Variants in RBFOX2 observed in about 807,000 individuals in gnomAD.
RBFOX2 encodes RNA binding protein fox-1 homolog 2.
RBFOX2 carries 10 observed loss-of-function variants against 49.1 expected under a neutral mutation model. The ratio of observed to expected loss-of-function variants is 0.20; its 90% confidence interval spans 0.13 to 0.35. The LOEUF (loss-of-function observed/expected upper bound fraction) is 0.35, where lower values mean the gene tolerates loss of function less well. Ranked by LOEUF, RBFOX2 falls within the 10% of genes least tolerant of loss-of-function variation. The probability of loss-of-function intolerance (pLI) is 1.00; values close to 1 mark genes in which losing one functional copy is unlikely to be tolerated. For missense variants in RBFOX2, 323 were observed against 486.9 expected (o/e 0.66, Z 3.17); for synonymous variants, 183 against 187.4 (o/e 0.98, Z 0.19).
At chr22:35,856,804 G>A (rs1193838163) in intron 1 of RBFOX2, among the ~76,000 whole-genome samples, 3 of 151,982 alleles carry the variant, frequency 2.0e-5, no homozygotes, top group African/African-American at 7.3e-5. Flanking sequence ...AGGCTGAGGC[G>A]GGTGGATTGC....
chr22:35,793,738 C>T (rs960131205), intron 2 of RBFOX2, among the ~76,000 whole-genome samples: 3 of 152,178 alleles, frequency 2.0e-5, no homozygotes, highest in African/African-American at 7.2e-5. Flanking sequence ...TTAAACATTT[C>T]TTCTGTGCAT....
chr22:35,927,391 G>A (rs1033533399), intron 1 of RBFOX2, among the ~76,000 whole-genome samples: 1 of 152,134 alleles, frequency 6.6e-6, no homozygotes, highest in African/African-American at 2.4e-5. Flanking sequence ...GATCACCTGA[G>A]GTTGGGAGTT....
chr22:35,956,521 C>T lies in RBFOX2; in HGVS notation c.42+5042G>A, dbSNP rs529761914. Reference sequence around the variant, plus strand: ...GGACTACAGGCACATGCCAGCACACCCGGCTAATTTTTGTATTTTTAGTAG... The same window carrying T: ...GGACTACAGGCACATGCCAGCACACTCGGCTAATTTTTGTATTTTTAGTAG... On this transcript the variant is annotated intron_variant, in intron 1 of 5. Transcript: ENST00000408983. Among the ~76,000 whole-genome samples the T allele has an allele frequency of 2.0e-5, 3 of 152,156 alleles. No homozygotes were observed. The East Asian group carries it at 5.8e-4, about 29-fold the overall frequency.
chr22:35,753,771 CTTTTTTTTTTTTTTTTT>C (rs869178693), intron 9 of RBFOX2, among the ~76,000 whole-genome samples: 2 of 54,504 alleles, frequency 3.7e-5, no homozygotes, highest in East Asian at 6.2e-4. Context: ...GTAGACAAGT[CTTTTTTTTTTTTTTTTT>C]TTTTTTTTTT....
chr22:35,773,988 A>T (rs1384776894), intron 4 of RBFOX2, among the ~76,000 whole-genome samples: 2 of 152,150 alleles, frequency 1.3e-5, no homozygotes, highest in East Asian at 1.9e-4. Flanking sequence ...AAGGTTCTAT[A>T]TGAGAAAATA....
At chr22:35,989,974 G>C (rs1008964206) in intron 1 of RBFOX2, among the ~76,000 whole-genome samples, 3 of 152,144 alleles carry the variant, frequency 2.0e-5, no homozygotes, top group Non-Finnish European at 4.4e-5. Context: ...TGGAGGTCAG[G>C]AGTTCGAGAC....
chr22:36,027,195 A>G (rs2059472535), intron 1 of RBFOX2, among the ~76,000 whole-genome samples: 1 of 152,182 alleles, frequency 6.6e-6, no homozygotes, highest in African/African-American at 2.4e-5. Context: ...ATCACCTACT[A>G]TGAGTAAGAA....
chr22:35,854,337 C>T (rs890195411), intron 1 of RBFOX2, among the ~76,000 whole-genome samples: 1 of 152,032 alleles, frequency 6.6e-6, no homozygotes, highest in African/African-American at 2.4e-5. Context: ...ATAATCCCAG[C>T]ACTCTGGGAA....
intron 1 of RBFOX2, among the ~76,000 whole-genome samples, chr22:35,816,517 A>C (rs577494289): frequency 6.6e-6 from 1 of 152,344 alleles, no homozygotes; most frequent in Non-Finnish European, 1.5e-5. Context: ...AACTACACTC[A>C]GAGCCATAAG....
chr22:35,810,133 C>T, intron 1 of RBFOX2, 129 bp from the exon 3 acceptor site: 1 of 862,974 alleles, frequency 1.2e-6, no homozygotes, highest in Non-Finnish European at 1.8e-6. Flanking sequence ...CTTATTGCTC[C>T]AGGATTGGAG....
At chr22:35,753,425 A>G (rs575908799) in intron 9 of RBFOX2, among the ~76,000 whole-genome samples, 5 of 152,336 alleles carry the variant, frequency 3.3e-5, no homozygotes, top group African/African-American at 1.2e-4. Flanking sequence ...CTTGCTTTTC[A>G]TGTAGGGGCA....
At chr22:35,824,844 CTT>C (rs1955298226) in intron 1 of RBFOX2, among the ~76,000 whole-genome samples, 1 of 152,226 alleles carries the variant, frequency 6.6e-6, no homozygotes, top group Non-Finnish European at 1.5e-5. Flanking sequence ...TATTTCTTCT[CTT>C]TACTTATAGT....
intron 1 of RBFOX2, among the ~76,000 whole-genome samples, chr22:35,908,900 T>C (rs2049440614): frequency 1.3e-5 from 2 of 151,320 alleles, no homozygotes; most frequent in African/African-American, 4.9e-5. Flanking sequence ...TGGAGTGCAG[T>C]GGCATGATCT....
chr22:35,933,925 G>GTT (rs201843204), intron 1 of RBFOX2, among the ~76,000 whole-genome samples: 4,072 of 91,964 alleles, frequency 0.044, 77 homozygotes, highest in South Asian at 0.073. Flanking sequence ...ATAATTAAAT[G>GTT]TTATATATAT....
intron 1 of RBFOX2, among the ~76,000 whole-genome samples, chr22:35,948,159 G>C (rs1190500627): frequency 6.6e-6 from 1 of 152,138 alleles, no homozygotes; most frequent in Admixed American, 6.5e-5. Flanking sequence ...ACTGCCTAAA[G>C]TATTCAGTAT....
intron 4 of RBFOX2, among the ~76,000 whole-genome samples, chr22:35,775,589 C>T (rs1298200594): frequency 6.6e-6 from 1 of 151,982 alleles, no homozygotes; most frequent in Non-Finnish European, 1.5e-5. Context: ...CCTGTAATCC[C>T]AGCACTGTGG....
At chr22:35,812,486 A>G (rs1280914542) in intron 1 of RBFOX2, among the ~76,000 whole-genome samples, 1 of 152,134 alleles carries the variant, frequency 6.6e-6, no homozygotes, top group African/African-American at 2.4e-5. Context: ...CAAATTATTC[A>G]ATGCTCTATC....
At chr22:35,782,455 G>C (rs903810876) in intron 2 of RBFOX2, among the ~76,000 whole-genome samples, 6 of 152,096 alleles carry the variant, frequency 3.9e-5, no homozygotes, top group Non-Finnish European at 7.3e-5. Flanking sequence ...CCGAGTAGCT[G>C]GGACGATAGG....
chr22:35,796,644 A>G (rs748380801), intron 2 of RBFOX2, among the ~76,000 whole-genome samples: 1 of 152,218 alleles, frequency 6.6e-6, no homozygotes, highest in Non-Finnish European at 1.5e-5. Context: ...ATGTTATTAC[A>G]CTAAAATCCA....
Sources: allele counts gnomAD v4.1 joint callset (sites outside exome capture counted in the v4.1 genomes callset), GRCh38; gene constraint gnomAD v4.1.1; transcripts MANE v1.5; gene names NCBI Gene and HGNC (gene_info 2026-07-23, HGNC 2026-07-21).